NLRP5: variants seen among roughly 807,000 people sequenced by gnomAD.
NLRP5 encodes the protein NACHT, LRR and PYD domains-containing protein 5.
In NLRP5, 93 loss-of-function variants were observed where a neutral mutation model predicts 113.1. The ratio of observed to expected loss-of-function variants is 0.82; its 90% CI spans 0.70 to 0.98. The LOEUF is 0.98. NLRP5 is among the 50% of genes least tolerant of loss of function. The pLI is 0.00. For synonymous variants in NLRP5, 751 were observed against 600.7 expected, an observed-to-expected ratio of 1.25 and a Z score of -3.66; for missense variants, 1,808 against 1,514.3, an observed-to-expected ratio of 1.19 and a Z score of -3.22.
rs755198336 is a variant in NLRP5, at chr19:56,027,603, C to T, written c.1370C>T (p.Ala457Val). Residue 457 changes from alanine (A) to valine (V), a missense_variant, in exon 7 of 15, where the codon GCG becomes GTG. Coordinates refer to ENST00000390649, the MANE Select transcript of NLRP5 (RefSeq NM_153447.4). Reference sequence around the variant, plus strand: ...CATCAGAAGACACAAGGGTTGCGTGCGATCATGAACAACCGTGAGCTGCTC... The same window carrying T: ...CATCAGAAGACACAAGGGTTGCGTGTGATCATGAACAACCGTGAGCTGCTC... 107 of 1,613,660 alleles carry T rather than the reference C, an allele frequency of 6.6e-5. No homozygotes were observed. In the South Asian group the frequency reaches 9.3e-4, roughly 14 times the overall value.
At position 56,036,058 on chromosome 19, in the gene NLRP5, CTTTTTT is replaced by C. The variant is rs34956178; in HGVS notation, c.2616-1950_2616-1945del. On this transcript the variant is annotated intron_variant, in intron 9 of 14. Coordinates refer to ENST00000390649, the MANE Select transcript of NLRP5 (RefSeq NM_153447.4). The stretch of plus-strand genomic sequence containing the variant: ...ACATGCTGATGAATGAATTGAGATT[CTTTTTT>C]TTTTTTTTTTTTTTTTGGAGACAGA... Among the ~76,000 whole-genome samples the C allele has an allele frequency of 1.0e-3, 77 of 77,002 alleles. 1 individual carries two copies. Among genetic ancestry groups the C allele is most frequent in the African/African-American group, 4.0e-3 (70 of 17,616 alleles). 50.5% of individuals were successfully genotyped at this position (77,002 alleles called of 152,430 possible).
chr19:56,050,295 A>AC, intron 11 of NLRP5, 123 bp from the exon 12 acceptor site: 2 of 940,128 alleles, frequency 2.1e-6, no homozygotes, highest in East Asian at 2.7e-5. Context: ...AAAAGAAAAA[A>AC]AAACAAATAT....
In NLRP5 at chr19:56,003,820, A is replaced by G. The variant is rs1293861701; in HGVS notation, c.167A>G (p.Lys56Arg). Residue 56 changes from lysine to arginine, a missense_variant, in exon 2 of 15, where the codon AAA (lysine) becomes AGA (arginine). By Grantham distance (26) the Lys-to-Arg change is conservative. Transcript: ENST00000390649. ...CCTTGTATCAAGATGGAAGGAGACAAATCGCTCACCTTTTCCAGCTACGGG... is the reference window on the plus strand; with the variant it reads ...CCTTGTATCAAGATGGAAGGAGACAGATCGCTCACCTTTTCCAGCTACGGG... 4 of 1,614,018 alleles carry G rather than the reference A, an allele frequency of 2.5e-6. No homozygotes were observed. The highest frequency in any genetic ancestry group is 2.5e-6 in the Non-Finnish European group (3 of 1,179,900).
At chr19:56,057,358 C>T (rs1169668202) in intron 13 of NLRP5, among the ~76,000 whole-genome samples, 2 of 151,620 alleles carry the variant, frequency 1.3e-5, no homozygotes, top group African/African-American at 2.4e-5. Context: ...GGTCCCTTGG[C>T]TTTCTGTTGC....
intron 7 of NLRP5, among the ~76,000 whole-genome samples, chr19:56,032,344 C>CA (rs34855619): frequency 0.25 from 30,861 of 123,358 alleles, 3,779 homozygotes; most frequent in African/African-American, 0.35. Flanking sequence ...GACTCCATCT[C>CA]AAAAAAAAAA....
intron 9 of NLRP5, among the ~76,000 whole-genome samples, chr19:56,037,561 T>C (rs1051308290): frequency 2.0e-5 from 3 of 151,628 alleles, no homozygotes; most frequent in Non-Finnish European, 2.9e-5. Flanking sequence ...GGTATGGTGG[T>C]GGGCACCTGT....
upstream of NLRP5, among the ~76,000 whole-genome samples, chr19:55,995,641 T>C (rs117666099): frequency 9.8e-3 from 1,497 of 152,300 alleles, 47 homozygotes; most frequent in East Asian, 0.063. Flanking sequence ...CGTTGGTGTT[T>C]TGATAGGGAT....
In NLRP5 at chr19:56,055,464, A is replaced by G. The variant is rs181769185; in HGVS notation, c.3299+1656A>G. On this transcript the variant is annotated intron_variant, in intron 13 of 14. Transcript: ENST00000390649. The stretch of plus-strand genomic sequence containing the variant: ...TAAACTTTATCTTATTTCTTATTAA[A>G]TCAAGGCTTACTTATCTTACTATAA... Among the ~76,000 whole-genome samples the G allele has an allele frequency of 1.7e-3, 250 of 150,094 alleles. 2 individuals carry two copies. Among genetic ancestry groups the G allele is most frequent in the Middle Eastern group, 3.4e-3 (1 of 290 alleles).
intron 6 of NLRP5, among the ~76,000 whole-genome samples, chr19:56,023,139 A>T (rs1982681801): frequency 6.6e-6 from 1 of 152,212 alleles, no homozygotes; most frequent in South Asian, 2.1e-4. Flanking sequence ...GAAGGAGAGG[A>T]TGGGAACCCT....
At chr19:56,031,366 C>A (rs556870191) in intron 7 of NLRP5, among the ~76,000 whole-genome samples, 2 of 152,212 alleles carry the variant, frequency 1.3e-5, no homozygotes, top group South Asian at 4.1e-4. Flanking sequence ...TGGTGGCTCA[C>A]GCCTGTCATC....
At chr19:56,050,733 A>G in intron 12 of NLRP5, 145 bp downstream of exon 12, 1 of 730,106 alleles carries the variant, frequency 1.4e-6, no homozygotes, top group Non-Finnish European at 2.2e-6. Flanking sequence ...CAATCTAGGT[A>G]AACTGAGGTG....
intron 13 of NLRP5, among the ~76,000 whole-genome samples, chr19:56,055,740 T>A (rs1049408122): frequency 1.3e-5 from 2 of 151,224 alleles, no homozygotes. Context: ...AGAGACGGGG[T>A]TTCACCGTGT....
chr19:56,003,633 G>A (rs1981738632), intron 1 of NLRP5, 103 bp from the exon 2 acceptor site: 9 of 1,372,840 alleles, frequency 6.6e-6, no homozygotes, highest in Middle Eastern at 1.9e-4. Flanking sequence ...ATGAAGAATT[G>A]AAAAGAGAAG....
upstream of NLRP5, among the ~76,000 whole-genome samples, chr19:55,997,886 A>G (rs1470915622): frequency 2.6e-5 from 4 of 151,764 alleles, no homozygotes; most frequent in Non-Finnish European, 5.9e-5. Flanking sequence ...AATTTGAAGG[A>G]TATCTAGTCC....
At position 56,033,584 on chromosome 19, in the gene NLRP5, G is replaced by C. The variant is rs766479081; in HGVS notation, c.2490G>C (p.Trp830Cys). The C allele has an allele frequency of 1.3e-5, 21 of 1,613,778 alleles. No individual in the cohort carries two copies. Among genetic ancestry groups the C allele is most frequent in the Non-Finnish European group, 1.7e-5 (20 of 1,179,846 alleles). The stretch of plus-strand genomic sequence containing the variant: ...TTACCCCTGGTGTGCAGCACCTCTG[G>C]AGAATCGTCATGGCCAACCGTAACC... Residue 830 changes from tryptophan (W) to cysteine (C), a missense_variant, in exon 9 of 15, where the codon TGG (tryptophan) becomes TGC (cysteine). By Grantham distance (215) the Trp-to-Cys change is radical (BLOSUM62 -2). Transcript: ENST00000390649.
In NLRP5 at chr19:56,038,054, G is replaced by C. The variant is rs1235924584; in HGVS notation, c.2645G>C (p.Cys882Ser). Residue 882 changes from cysteine to serine, a missense_variant, in exon 10 of 15, where the codon TGT becomes TCT. Coordinates refer to ENST00000390649, the MANE Select transcript of NLRP5 (RefSeq NM_153447.4). ...GATTGCTGTGGATTGACCCATGCCTGTTACCTGAAGATCTCCCAAATCCTT... is the reference window on the plus strand; with the variant it reads ...GATTGCTGTGGATTGACCCATGCCTCTTACCTGAAGATCTCCCAAATCCTT... 24 of 1,614,004 alleles carry C rather than the reference G, an allele frequency of 1.5e-5. No individual in the cohort carries two copies. Among genetic ancestry groups the C allele is most frequent in the Non-Finnish European group, 2.0e-5 (24 of 1,179,896 alleles).
At chr19:55,988,827 T>C in the NLRP5 span, among the ~76,000 whole-genome samples, 1 of 152,180 alleles carries the variant, frequency 6.6e-6, no homozygotes, top group East Asian at 1.9e-4. Flanking sequence ...CTTCTTAATT[T>C]CATTGCCTAA....
chr19:55,987,365 G>A, the NLRP5 span, among the ~76,000 whole-genome samples: 4 of 152,346 alleles, frequency 2.6e-5, no homozygotes, highest in East Asian at 1.9e-4. Flanking sequence ...GTGAGACTTC[G>A]TCTCAAGTAA....
chr19:56,008,492 G>C (rs12460564), intron 2 of NLRP5, among the ~76,000 whole-genome samples: 49,798 of 151,846 alleles, frequency 0.33, 8,391 homozygotes, highest in Admixed American at 0.38. Context: ...TCTTGAGGAG[G>C]ACTCCTGAAA....
Sources: allele counts gnomAD v4.1 joint callset (sites outside exome capture counted in the v4.1 genomes callset), GRCh38; gene constraint gnomAD v4.1.1; transcripts MANE v1.5; gene names NCBI Gene and HGNC (gene_info 2026-07-23, HGNC 2026-07-21).